The following EVC2 variants were observed in gnomAD, a reference collection of about 807,000 sequenced individuals.
EVC2 encodes EvC ciliary complex subunit 2.
In EVC2, 148 loss-of-function variants were observed where a neutral mutation model predicts 149.3. The ratio of observed to expected loss-of-function variants is 0.99; its 90% CI spans 0.87 to 1.14. The LOEUF (loss-of-function observed/expected upper bound fraction) is 1.14, where lower values mean the gene tolerates loss of function less well. Ranked by LOEUF, EVC2 falls within the 50% of genes most tolerant of loss-of-function variation. EVC2 has a pLI of 0.00. For synonymous variants in EVC2, 776 were observed against 649.9 expected, an observed-to-expected ratio of 1.19 and a Z score of -2.95; for missense variants, 1,854 against 1,627.3, an observed-to-expected ratio of 1.14 and a Z score of -2.40.
At chr4:5,543,160 C>T in exon 22 of EVC2, 1 of 1,289,832 alleles carries the variant, frequency 7.8e-7, no homozygotes, top group Non-Finnish European at 1.0e-6. Flanking sequence ...TCAATTAACC[C>T]AATCTCTGGA....
chr4:5,596,463 A>G (rs931326052), intron 16 of EVC2, among the ~76,000 whole-genome samples: 6 of 152,226 alleles, frequency 3.9e-5, no homozygotes, highest in African/African-American at 9.7e-5. Context: ...CTGCTCCTGA[A>G]TGACTACTGG....
chr4:5,599,600 T>G (rs889005339), intron 16 of EVC2, among the ~76,000 whole-genome samples: 1 of 152,084 alleles, frequency 6.6e-6, no homozygotes, highest in East Asian at 1.9e-4. Flanking sequence ...AGGGATAGCT[T>G]TAGGAGATAT....
intron 8 of EVC2, among the ~76,000 whole-genome samples, chr4:5,663,463 G>A (rs1202069674): frequency 1.3e-5 from 2 of 152,202 alleles, no homozygotes; most frequent in Non-Finnish European, 2.9e-5. Flanking sequence ...CCCTGCATGA[G>A]GATGTTGTGT....
intron 21 of EVC2, among the ~76,000 whole-genome samples, chr4:5,547,471 G>A (rs538219760): frequency 2.6e-5 from 4 of 152,306 alleles, no homozygotes; most frequent in African/African-American, 7.2e-5. Context: ...CCCAGCTGCC[G>A]GTCCCACGGA....
chr4:5,688,199 G>A (rs1033818302), intron 5 of EVC2, among the ~76,000 whole-genome samples: 6 of 152,204 alleles, frequency 3.9e-5, no homozygotes, highest in African/African-American at 1.2e-4. Context: ...AGTAGCTTCT[G>A]TCAATAATAG....
chr4:5,689,644 G>C (rs1385482474), intron 4 of EVC2, among the ~76,000 whole-genome samples: 3 of 152,230 alleles, frequency 2.0e-5, no homozygotes, highest in Admixed American at 2.0e-4. Context: ...GAACCAGTCA[G>C]GTTGGGGAAA....
chr4:5,573,394 A>C (rs910850089), intron 19 of EVC2, among the ~76,000 whole-genome samples: 28 of 152,174 alleles, frequency 1.8e-4, no homozygotes, highest in African/African-American at 5.8e-4. Flanking sequence ...GGATGGAAGA[A>C]GGGCCAGAGA....
Position 5,625,987 on chromosome 4 carries a change from C to T in EVC2, c.1887-79G>A. 6.5e-7 allele frequency: 1 copy of T among 1,546,028 alleles called. No individual in the cohort carries two copies. Among genetic ancestry groups the T allele is most frequent in the Admixed American group, 1.7e-5 (1 of 59,722 alleles). ...TTAACTGCTATTGTGCCTGAACATT[C>T]ATCTCCATATTAGTTTGGTTTGAAT... On this transcript the variant is annotated intron_variant, in intron 12 of 21. Transcript: ENST00000344408. This position sits in a 1 kb window ranked among gnomAD's most constrained non-coding sequence, Gnocchi z 4.0.
Position 5,640,446 on chromosome 4 carries a change from G to A in EVC2, c.1470+68C>T, listed in dbSNP as rs1042642013. 11 of 1,587,464 alleles carry A rather than the reference G, an allele frequency of 6.9e-6. No homozygotes were observed. The African/African-American group carries it at 1.3e-4, about 19-fold the overall frequency. On this transcript the variant is annotated intron_variant, in intron 10 of 21. Coordinates refer to ENST00000344408, the MANE Select transcript of EVC2 (RefSeq NM_147127.5). The surrounding 1 kb of genome is among the most constrained non-coding windows in gnomAD (Gnocchi z 4.6). The stretch of plus-strand genomic sequence containing the variant: ...AGGAGGCAAATGGACAGATGAGTGG[G>A]TAGATGGATAAATGACAAATCCCTG...
rs1336029314 is a variant in EVC2, at chr4:5,567,552, C to T, written c.3557+892G>A. Among the ~76,000 whole-genome samples the T allele has an allele frequency of 6.6e-6, 1 of 152,104 alleles. No homozygotes were observed. The highest frequency in any genetic ancestry group is 1.5e-5 in the Non-Finnish European group (1 of 68,014). ...CTGGCCATGGCTTTCCTTGCAGCCT[C>T]ATTCCCCACCTACTCCATCCTCAAG... On this transcript the variant is annotated intron_variant, in intron 20 of 21. Coordinates refer to ENST00000344408, the MANE Select transcript of EVC2 (RefSeq NM_147127.5). The surrounding 1 kb of genome is among the most constrained non-coding windows in gnomAD (Gnocchi z 4.4).
intron 16 of EVC2, among the ~76,000 whole-genome samples, chr4:5,592,264 T>C (rs1712875673): frequency 6.6e-6 from 1 of 152,226 alleles, no homozygotes; most frequent in Non-Finnish European, 1.5e-5. Context: ...CCTACAGGAA[T>C]GCTGGCTCCC....
chr4:5,646,757 G>C (rs1329181804), intron 9 of EVC2, among the ~76,000 whole-genome samples: 3 of 152,140 alleles, frequency 2.0e-5, no homozygotes, highest in African/African-American at 7.2e-5. Context: ...AGCTTCCTGA[G>C]AATCTGAGCT....
chr4:5,633,582 G>A lies in EVC2; in HGVS notation c.1471-1550C>T, dbSNP rs952243971. 1.3e-5 allele frequency among the ~76,000 whole-genome samples: 2 copies of A among 152,232 alleles called. No homozygotes were observed. The highest frequency in any genetic ancestry group is 2.9e-5 in the Non-Finnish European group (2 of 68,048). On this transcript the variant is annotated intron_variant, in intron 10 of 21. Coordinates refer to ENST00000344408, the MANE Select transcript of EVC2 (RefSeq NM_147127.5). The surrounding 1 kb of genome is among the most constrained non-coding windows in gnomAD (Gnocchi z 4.4). Reference sequence around the variant, plus strand: ...TGACAGTGGAGCTTGTTGGTGAAGCGAAGGCAGGGAAAGGCTTACGCGTGC... The same window carrying A: ...TGACAGTGGAGCTTGTTGGTGAAGCAAAGGCAGGGAAAGGCTTACGCGTGC...
At chr4:5,615,570 G>A in intron 15 of EVC2, 26 bp from the exon 16 acceptor site, 1 of 1,614,056 alleles carries the variant, frequency 6.2e-7, no homozygotes, top group Non-Finnish European at 8.5e-7. Flanking sequence ...GGAAGACGTG[G>A]GTAAGAAGGC....
intron 3 of EVC2, among the ~76,000 whole-genome samples, chr4:5,691,960 G>A (rs568529356): frequency 3.3e-4 from 50 of 152,280 alleles, no homozygotes; most frequent in Admixed American, 6.5e-4. Flanking sequence ...TTCTGCTCTT[G>A]CCATGCTCCC....
intron 16 of EVC2, among the ~76,000 whole-genome samples, chr4:5,597,553 T>C (rs1713555982): frequency 6.6e-6 from 1 of 151,440 alleles, no homozygotes; most frequent in African/African-American, 2.4e-5. Context: ...AATTAGGTAT[T>C]GATGGGACAT....
chr4:5,582,745 C>G (rs1270965357), intron 17 of EVC2, among the ~76,000 whole-genome samples: 1 of 152,068 alleles, frequency 6.6e-6, no homozygotes, highest in Non-Finnish European at 1.5e-5. Context: ...GCAGGTGGAG[C>G]TTGGTGGGAG....
Position 5,576,112 on chromosome 4 carries a change from A to C in EVC2, c.3272+128T>G, listed in dbSNP as rs529095714. 5.0e-5 allele frequency: 73 copies of C among 1,470,540 alleles called. 2 individuals carry two copies. The South Asian group carries it at 7.9e-4, about 16-fold the overall frequency. 91.1% of individuals were successfully genotyped at this position (1,470,540 alleles called of 1,614,324 possible). A position where few individuals can be genotyped will look rare whatever the true frequency, so the allele number is the denominator to read the frequency against. ...CAAAGCCAGCAGCTCGTGTTGGAGCAATGGGATGACACCTTAGGCAAGAGG... is the reference window on the plus strand; with the variant it reads ...CAAAGCCAGCAGCTCGTGTTGGAGCCATGGGATGACACCTTAGGCAAGAGG... On this transcript the variant is annotated intron_variant, in intron 18 of 21. Transcript: ENST00000344408. The surrounding 1 kb of genome is among the most constrained non-coding windows in gnomAD (Gnocchi z 4.5).
rs1487234087 is a variant in EVC2 at position 5,636,278 on chromosome 4, C to T, written c.1470+4236G>A. Reference sequence around the variant, plus strand: ...TCTCAATGGAGAAATGCTTTGAGAACTATAAGGCATTATATACGCATTTAA... The same window carrying T: ...TCTCAATGGAGAAATGCTTTGAGAATTATAAGGCATTATATACGCATTTAA... On this transcript the variant is annotated intron_variant, in intron 10 of 21. Transcript: ENST00000344408. This position sits in a 1 kb window ranked among gnomAD's most constrained non-coding sequence, Gnocchi z 4.6. Among the ~76,000 whole-genome samples the T allele has an allele frequency of 6.6e-6, 1 of 152,168 alleles. No individual in the cohort carries two copies. Among genetic ancestry groups the T allele is most frequent in the African/African-American group, 2.4e-5 (1 of 41,446 alleles).
Sources: allele counts gnomAD v4.1 joint callset (sites outside exome capture counted in the v4.1 genomes callset), GRCh38; gene constraint gnomAD v4.1.1; non-coding constraint Gnocchi (gnomAD v3.1); transcripts MANE v1.5; gene names NCBI Gene and HGNC (gene_info 2026-07-23, HGNC 2026-07-21).